The following KRTAP4-7 variants were observed in gnomAD, a reference collection of about 807,000 sequenced individuals.
KRTAP4-7 encodes putative keratin-associated protein 4-X.
A neutral mutation model predicts 3.0 loss-of-function variants in KRTAP4-7; 1 was observed. That is an observed-to-expected ratio of 0.33 (90% CI 0.12 to 1.57). The LOEUF is 1.57. KRTAP4-7 is among the 40% of genes most tolerant of loss of function. KRTAP4-7 has a pLI of 0.37. For missense variants in KRTAP4-7, 199 were observed against 209.1 expected, an observed-to-expected ratio of 0.95 and a Z score of 0.30; for synonymous variants, 70 against 74.6, an observed-to-expected ratio of 0.94 and a Z score of 0.32.
chr17:41,084,825 ACT>A (rs2013621836), exon 1 of KRTAP4-7: 1 of 1,226,860 alleles, frequency 8.2e-7, no homozygotes, highest in Non-Finnish European at 1.1e-6. Flanking sequence ...CATTTCACTG[ACT>A]CTGTGAGAAC....
rs1173144488 is a variant in KRTAP4-7, at chr17:41,084,281, C to A, written c.75C>A (p.Cys25Ter). 1 of 1,613,834 alleles carries A rather than the reference C, an allele frequency of 6.2e-7. No homozygotes were observed. The highest frequency in any genetic ancestry group is 2.2e-5 in the East Asian group (1 of 44,854). The change falls in exon 1 of 1, where the codon TGC (cysteine) becomes TGA (stop). Residue 25 changes from cysteine to a stop codon, truncating the protein, a stop_gained. Coordinates refer to ENST00000391417, the Ensembl canonical transcript of KRTAP4-7. LOFTEE classifies it low-confidence loss of function (END_TRUNC). ...AAGACCTCTGTCAGGAGACCTGCTG[C>A]CGCCCCAGCTGCTGTCAGACCACCT...
chr17:41,084,637 G>A (rs2013616735), exon 1 of KRTAP4-7: 1 of 1,600,318 alleles, frequency 6.2e-7, no homozygotes, highest in Admixed American at 1.7e-5. Flanking sequence ...ATCTCCACCT[G>A]TCCCCGCCCC....
chr17:41,084,916 A>G (rs2013623718), exon 1 of KRTAP4-7: 1 of 632,228 alleles, frequency 1.6e-6, no homozygotes, highest in South Asian at 2.3e-5. Flanking sequence ...AATTTGTAAT[A>G]CACTAGCTAA....
chr17:41,085,003 A>C (rs1340161513), exon 1 of KRTAP4-7: 2 of 447,480 alleles, frequency 4.5e-6, no homozygotes, highest in Non-Finnish European at 8.1e-6. Context: ...AGTGAGGTAG[A>C]TATTATCTGC....
chr17:41,084,470 C>A, exon 1 of KRTAP4-7: 2 of 1,516,552 alleles, frequency 1.3e-6, no homozygotes, highest in South Asian at 1.2e-5. Context: ...GCCGCCCCAG[C>A]TGCTGTATGT....
At chr17:41,085,020 A>C (rs1169165817) in exon 1 of KRTAP4-7, 1 of 397,622 alleles carries the variant, frequency 2.5e-6, no homozygotes, top group East Asian at 4.7e-5. Context: ...CTGCAGGACC[A>C]GTTTTGTCAC....
exon 1 of KRTAP4-7, chr17:41,084,216 T>A: frequency 6.2e-7 from 1 of 1,607,228 alleles, no homozygotes. Context: ...CATGGTCAGC[T>A]CCTGTTGTGG....
At chr17:41,084,426 T>C (rs747079763) in exon 1 of KRTAP4-7, 2 of 1,416,596 alleles carry the variant, frequency 1.4e-6, no homozygotes, top group Admixed American at 3.9e-5. Flanking sequence ...TGAGACGACC[T>C]GCTGCCACCC....
exon 1 of KRTAP4-7, chr17:41,084,283 G>A (rs201911550): frequency 3.0e-5 from 48 of 1,613,608 alleles, no homozygotes; most frequent in East Asian, 1.1e-4. Flanking sequence ...ACCTGCTGCC[G>A]CCCCAGCTGC....
At chr17:41,084,699 C>T in exon 1 of KRTAP4-7, 8 of 1,563,608 alleles carry the variant, frequency 5.1e-6, no homozygotes, top group Non-Finnish European at 6.9e-6. Flanking sequence ...CTCACGTCCC[C>T]CTTCACCACT....
exon 1 of KRTAP4-7, chr17:41,084,765 G>A (rs2013620196): frequency 1.2e-5 from 17 of 1,475,488 alleles, no homozygotes; most frequent in Non-Finnish European, 1.5e-5. Flanking sequence ...ATGAAGTGGG[G>A]TTGATGTCAT....
At chr17:41,084,410 C>G (rs767153092) in exon 1 of KRTAP4-7, 7 of 1,432,572 alleles carry the variant, frequency 4.9e-6, no homozygotes, top group Non-Finnish European at 6.6e-6. Flanking sequence ...GTCGCCCCAC[C>G]TGCTGTGAGA....
exon 1 of KRTAP4-7, chr17:41,084,955 A>G (rs2013624433): frequency 1.7e-6 from 1 of 585,966 alleles, no homozygotes; most frequent in Non-Finnish European, 3.0e-6. Context: ...TGATTTCCTT[A>G]TTTTCTTTAT....
exon 1 of KRTAP4-7, chr17:41,084,207 A>T (rs1334225308): frequency 6.2e-7 from 1 of 1,603,260 alleles, no homozygotes; most frequent in Non-Finnish European, 8.5e-7. Context: ...TTCTGACACC[A>T]TGGTCAGCTC....
At chr17:41,084,632 C>T in exon 1 of KRTAP4-7, 1 of 1,600,810 alleles carries the variant, frequency 6.2e-7, no homozygotes, top group East Asian at 2.2e-5. Flanking sequence ...GTGTCATCTC[C>T]ACCTGTCCCC....
At chr17:41,084,177 A>G (rs572648459) in exon 1 of KRTAP4-7, 36 of 1,584,056 alleles carry the variant, frequency 2.3e-5, no homozygotes, top group South Asian at 9.5e-5. Context: ...TCTCTTGGAA[A>G]CCCACCCAGA....
chr17:41,084,826 C>T (rs1173058667), exon 1 of KRTAP4-7: 1 of 1,223,346 alleles, frequency 8.2e-7, no homozygotes, highest in Non-Finnish European at 1.1e-6. Context: ...ATTTCACTGA[C>T]TCTGTGAGAA....
At chr17:41,084,866 T>C in exon 1 of KRTAP4-7, 1 of 887,832 alleles carries the variant, frequency 1.1e-6, no homozygotes. Context: ...CTCCCTCCTT[T>C]GCTTTCTTTT....
exon 1 of KRTAP4-7, chr17:41,084,495 C>A: frequency 6.3e-7 from 1 of 1,583,572 alleles, no homozygotes; most frequent in Non-Finnish European, 8.6e-7. Flanking sequence ...CTGCTGCAAG[C>A]CCCAGTGCTG....
Sources: allele counts gnomAD v4.1 joint callset, GRCh38; gene constraint gnomAD v4.1.1; transcripts MANE v1.5; gene names NCBI Gene and HGNC (gene_info 2026-07-23, HGNC 2026-07-21).